The following HS6ST3 variants were observed in gnomAD, a reference collection of about 807,000 sequenced individuals.
HS6ST3 encodes the protein heparan-sulfate 6-O-sulfotransferase 3.
Under a neutral mutation model 36.7 loss-of-function variants are expected in HS6ST3, and 12 were observed. The observed-to-expected ratio is 0.33, with a 90% confidence interval of 0.21 to 0.53. The LOEUF is 0.53. Ranked by LOEUF, HS6ST3 falls within the 20% of genes least tolerant of loss-of-function variation. The pLI, the probability that HS6ST3 is intolerant of heterozygous loss-of-function variation, is 0.95. For missense variants in HS6ST3, 584 were observed against 640.9 expected (o/e 0.91, Z 0.96); for synonymous variants, 240 against 257.5 (o/e 0.93, Z 0.65).
At chr13:96,791,258 C>G (rs1217211654) in intron 1 of HS6ST3, among the ~76,000 whole-genome samples, 1 of 152,072 alleles carries the variant, frequency 6.6e-6, no homozygotes, top group African/African-American at 2.4e-5. Flanking sequence ...TCACCATCCT[C>G]TAAGTTCTGA....
chr13:96,687,090 C>CT (rs68182332), intron 1 of HS6ST3, among the ~76,000 whole-genome samples: 3 of 148,926 alleles, frequency 2.0e-5, no homozygotes, highest in Admixed American at 6.7e-5. Flanking sequence ...GCAAGAAGTG[C>CT]TTTTTTTTTT....
chr13:96,601,686 T>A (rs540280432), intron 1 of HS6ST3, among the ~76,000 whole-genome samples: 3 of 152,192 alleles, frequency 2.0e-5, no homozygotes, highest in Non-Finnish European at 4.4e-5. Flanking sequence ...AGAACTCTTT[T>A]TTTTCATATT....
chr13:96,294,619 T>C (rs1020783598), intron 1 of HS6ST3, among the ~76,000 whole-genome samples: 1 of 152,008 alleles, frequency 6.6e-6, no homozygotes, highest in African/African-American at 2.4e-5. Flanking sequence ...TAGAACAATA[T>C]AGGTTGGTGA....
At chr13:96,378,948 C>G (rs1198106010) in intron 1 of HS6ST3, among the ~76,000 whole-genome samples, 1 of 152,200 alleles carries the variant, frequency 6.6e-6, no homozygotes, top group African/African-American at 2.4e-5. Context: ...GGAGAGATGT[C>G]CTACTCCTGG....
intron 1 of HS6ST3, among the ~76,000 whole-genome samples, chr13:96,131,653 C>T (rs559471070): frequency 1.3e-5 from 2 of 151,998 alleles, no homozygotes; most frequent in African/African-American, 2.4e-5. Context: ...CCTTATTCCT[C>T]CCATCTAATT....
intron 1 of HS6ST3, among the ~76,000 whole-genome samples, chr13:96,278,046 G>T (rs2054756850): frequency 6.6e-6 from 1 of 152,192 alleles, no homozygotes; most frequent in South Asian, 2.1e-4. Flanking sequence ...GTATTTTAAA[G>T]ACATGGCTGA....
At chr13:96,363,138 C>G (rs1277501259) in intron 1 of HS6ST3, among the ~76,000 whole-genome samples, 1 of 151,922 alleles carries the variant, frequency 6.6e-6, no homozygotes, top group Non-Finnish European at 1.5e-5. Context: ...CACACACACA[C>G]TCACACACAC....
At chr13:96,391,553 C>T (rs1045493918) in intron 1 of HS6ST3, among the ~76,000 whole-genome samples, 11 of 152,012 alleles carry the variant, frequency 7.2e-5, no homozygotes, top group Admixed American at 3.9e-4. Flanking sequence ...TTCACACTGC[C>T]GATAGACATA....
intron 1 of HS6ST3, among the ~76,000 whole-genome samples, chr13:96,112,613 A>ATATATG (rs1566884952): frequency 4.9e-4 from 54 of 110,728 alleles, no homozygotes; most frequent in African/African-American, 1.6e-3. Context: ...ATATATATAT[A>ATATATG]TATATATATG....
At chr13:96,668,766 C>A (rs1594831925) in intron 1 of HS6ST3, among the ~76,000 whole-genome samples, 1 of 101,100 alleles carries the variant, frequency 9.9e-6, no homozygotes, top group African/African-American at 4.3e-5. Context: ...TCAACCTATT[C>A]ATCTAGATAT....
intron 1 of HS6ST3, among the ~76,000 whole-genome samples, chr13:96,542,858 T>G (rs1482909666): frequency 6.6e-6 from 1 of 152,208 alleles, no homozygotes; most frequent in East Asian, 1.9e-4. Context: ...TCTTTCAACC[T>G]ATCTTTGTAG....
intron 1 of HS6ST3, among the ~76,000 whole-genome samples, chr13:96,760,102 T>C (rs1876928776): frequency 6.6e-6 from 1 of 152,038 alleles, no homozygotes; most frequent in Non-Finnish European, 1.5e-5. Context: ...ATGGGAGCCT[T>C]CAGATTATTT....
intron 1 of HS6ST3, among the ~76,000 whole-genome samples, chr13:96,593,357 T>G (rs2056390453): frequency 6.6e-6 from 1 of 150,884 alleles, no homozygotes; most frequent in Non-Finnish European, 1.5e-5. Flanking sequence ...CTAATTTTTT[T>G]TTTGTTTTTC....
At chr13:96,754,459 G>C (rs901247853) in intron 1 of HS6ST3, among the ~76,000 whole-genome samples, 3 of 152,132 alleles carry the variant, frequency 2.0e-5, no homozygotes, top group Non-Finnish European at 4.4e-5. Flanking sequence ...GAGCTCACAC[G>C]CTAATTATCC....
At chr13:96,525,302 C>T (rs1366405112) in intron 1 of HS6ST3, among the ~76,000 whole-genome samples, 1 of 152,144 alleles carries the variant, frequency 6.6e-6, no homozygotes, top group Non-Finnish European at 1.5e-5. Flanking sequence ...TTCTGAGCTG[C>T]TTATTGTTGG....
intron 1 of HS6ST3, among the ~76,000 whole-genome samples, chr13:96,724,725 G>A (rs1875956238): frequency 6.6e-6 from 1 of 152,072 alleles, no homozygotes; most frequent in South Asian, 2.1e-4. Flanking sequence ...TTATTGCAGA[G>A]TAGTAGTTCA....
intron 1 of HS6ST3, among the ~76,000 whole-genome samples, chr13:96,486,965 G>C (rs1029533051): frequency 6.6e-6 from 1 of 152,114 alleles, no homozygotes; most frequent in African/African-American, 2.4e-5. Flanking sequence ...GTTGTATAAA[G>C]GGATAGGCTG....
chr13:96,804,777 A>T (rs1878157806), intron 1 of HS6ST3, among the ~76,000 whole-genome samples: 2 of 152,226 alleles, frequency 1.3e-5, no homozygotes, highest in Non-Finnish European at 2.9e-5. Flanking sequence ...GTAAAAATTC[A>T]GTGAAAGAGA....
At chr13:96,276,148 T>C (rs1017636063) in intron 1 of HS6ST3, among the ~76,000 whole-genome samples, 1 of 152,132 alleles carries the variant, frequency 6.6e-6, no homozygotes, top group Admixed American at 6.5e-5. Flanking sequence ...TGTGGAGGTT[T>C]TGCCAGTCAG....
Sources: allele counts gnomAD v4.1 joint callset (sites outside exome capture counted in the v4.1 genomes callset), GRCh38; gene constraint gnomAD v4.1.1; transcripts MANE v1.5; gene names NCBI Gene and HGNC (gene_info 2026-07-23, HGNC 2026-07-21).